NELL1: variants seen among roughly 807,000 people sequenced by gnomAD.
The protein encoded by NELL1 is protein kinase C-binding protein NELL1.
Under a neutral mutation model 107.4 loss-of-function variants are expected in NELL1, and 76 were observed. That is an observed-to-expected ratio of 0.71 (90% CI 0.59 to 0.86). The LOEUF (loss-of-function observed/expected upper bound fraction) is 0.86, where lower values mean the gene tolerates loss of function less well. Among genes scored for constraint, NELL1 ranks in the 40% least tolerant of loss-of-function variants. NELL1 has a pLI of 0.00. For synonymous variants in NELL1, 353 were observed against 341.2 expected, an observed-to-expected ratio of 1.03 and a Z score of -0.38; for missense variants, 1,024 against 1,005.5, an observed-to-expected ratio of 1.02 and a Z score of -0.25.
intron 13 of NELL1, among the ~76,000 whole-genome samples, chr11:21,136,073 G>T (rs191114909): frequency 1.4e-3 from 219 of 152,314 alleles, no homozygotes; most frequent in Non-Finnish European, 2.5e-3. Flanking sequence ...GAAATTATTG[G>T]TGTGATCCAG....
intron 13 of NELL1, among the ~76,000 whole-genome samples, chr11:21,163,509 C>T (rs899814272): frequency 6.6e-6 from 1 of 152,040 alleles, no homozygotes; most frequent in Non-Finnish European, 1.5e-5. Flanking sequence ...AGTTTGAATC[C>T]CTAATCCCCA....
chr11:21,570,986 A>C, intron 18 of NELL1, 46 bp downstream of exon 18: 21 of 1,565,658 alleles, frequency 1.3e-5, no homozygotes, highest in Non-Finnish European at 1.8e-5. Flanking sequence ...ACTCTGAAAG[A>C]GGTTACAAAT....
chr11:21,534,569 G>C, intron 16 of NELL1, 55 bp downstream of exon 16: 1 of 1,586,512 alleles, frequency 6.3e-7, no homozygotes, highest in East Asian at 2.2e-5. Flanking sequence ...AGGAGGTGTG[G>C]CTTGCTTTGG....
At chr11:20,755,506 GC>G (rs1856240467) in intron 2 of NELL1, among the ~76,000 whole-genome samples, 1 of 149,742 alleles carries the variant, frequency 6.7e-6, no homozygotes, top group Non-Finnish European at 1.5e-5. Context: ...AAACTTGAGA[GC>G]ATTTCATGTA....
chr11:21,534,317 A>T (rs1422321677), intron 15 of NELL1, 57 bp from the exon 16 acceptor site: 1 of 1,601,720 alleles, frequency 6.2e-7, no homozygotes, highest in Admixed American at 1.7e-5. Context: ...ATTTCCTGAA[A>T]GGTTAGTGTC....
intron 3 of NELL1, among the ~76,000 whole-genome samples, chr11:20,807,326 GT>G (rs778972540): frequency 6.0e-4 from 91 of 152,342 alleles, no homozygotes; most frequent in Non-Finnish European, 9.8e-4. Flanking sequence ...CACCTTGGTG[GT>G]TTTGGATGAG....
chr11:21,257,119 A>G (rs1467443496), intron 14 of NELL1, among the ~76,000 whole-genome samples: 1 of 151,978 alleles, frequency 6.6e-6, no homozygotes, highest in Non-Finnish European at 1.5e-5. Flanking sequence ...GTGTGTGTCA[A>G]AATGGTAAGA....
At chr11:21,156,991 A>G (rs1485308628) in intron 13 of NELL1, among the ~76,000 whole-genome samples, 1 of 151,672 alleles carries the variant, frequency 6.6e-6, no homozygotes. Flanking sequence ...AATCTCAGCT[A>G]CTTGGGAGGC....
chr11:21,316,097 AC>A (rs1299757134), intron 14 of NELL1, among the ~76,000 whole-genome samples: 2 of 152,098 alleles, frequency 1.3e-5, no homozygotes, highest in African/African-American at 4.8e-5. Context: ...AAATATGTTG[AC>A]TTATAGTAAT....
At chr11:20,822,655 C>A (rs1857783606) in intron 3 of NELL1, among the ~76,000 whole-genome samples, 1 of 152,152 alleles carries the variant, frequency 6.6e-6, no homozygotes, top group Admixed American at 6.5e-5. Flanking sequence ...GTAGTTCTTA[C>A]AGTCCTTCAT....
At chr11:21,025,495 A>G (rs1641896376) in intron 12 of NELL1, among the ~76,000 whole-genome samples, 1 of 151,622 alleles carries the variant, frequency 6.6e-6, no homozygotes, top group Non-Finnish European at 1.5e-5. Flanking sequence ...CTACCTGCAT[A>G]ATTAGGTGAA....
intron 5 of NELL1, among the ~76,000 whole-genome samples, chr11:20,894,204 T>C (rs1849677630): frequency 6.6e-6 from 1 of 152,244 alleles, no homozygotes; most frequent in Non-Finnish European, 1.5e-5. Flanking sequence ...GAATACTTTA[T>C]GACCTCGATG....
At chr11:20,813,763 T>TTGG (rs1476375938) in intron 3 of NELL1, among the ~76,000 whole-genome samples, 1 of 152,148 alleles carries the variant, frequency 6.6e-6, no homozygotes, top group Non-Finnish European at 1.5e-5. Context: ...ACTGGAGCTG[T>TTGG]TGGTCTGTGT....
At position 20,927,433 on chromosome 11, in the gene NELL1, C is replaced by A; in HGVS notation, c.885C>A (p.Cys295Ter). 2 of 1,608,562 alleles carry A rather than the reference C, an allele frequency of 1.2e-6. No homozygotes were observed. The highest frequency in any genetic ancestry group is 1.7e-6 in the Non-Finnish European group (2 of 1,178,960). The change falls in exon 8 of 20, where the codon TGC becomes TGA. Residue 295 changes from cysteine (C) to a stop codon, truncating the protein, a stop_gained. Transcript: ENST00000357134. LOFTEE classifies it high-confidence loss of function. ...TAGATGGTGACCATTGCAGGAACTG[C>A]ACTTGCAAAGTAAGCCTCTTTGTAA... ...SWVDGDHCRN[C>*]TCKSGAVECR... is the part of the protein sequence containing the mutation.
intron 2 of NELL1, among the ~76,000 whole-genome samples, chr11:20,766,681 T>G (rs962433982): frequency 2.6e-5 from 4 of 152,154 alleles, no homozygotes; most frequent in African/African-American, 9.7e-5. Flanking sequence ...AGAAAAATCA[T>G]TTCTTATTTT....
intron 2 of NELL1, among the ~76,000 whole-genome samples, chr11:20,747,767 A>G (rs1444417352): frequency 2.0e-5 from 3 of 152,184 alleles, no homozygotes; most frequent in Admixed American, 6.5e-5. Context: ...ATGGGGATAC[A>G]AGTGATCTGA....
intron 12 of NELL1, among the ~76,000 whole-genome samples, chr11:21,050,195 G>A (rs1207579915): frequency 6.6e-6 from 1 of 152,054 alleles, no homozygotes; most frequent in South Asian, 2.1e-4. Flanking sequence ...GAGATAATAT[G>A]TATGGTTTTA....
chr11:21,354,545 T>A (rs1445894206), intron 14 of NELL1, among the ~76,000 whole-genome samples: 2 of 152,146 alleles, frequency 1.3e-5, no homozygotes, highest in South Asian at 4.2e-4. Context: ...GCTATCTAAC[T>A]TTTCTCCTTT....
intron 2 of NELL1, among the ~76,000 whole-genome samples, chr11:20,738,499 A>G (rs566129372): frequency 8.5e-5 from 13 of 152,300 alleles, no homozygotes; most frequent in Non-Finnish European, 1.9e-4. Flanking sequence ...GCTACTGTGG[A>G]TCAAAATCTG....
Sources: gnomAD v4.1 joint callset for allele counts (sites outside exome capture counted in the v4.1 genomes callset) on GRCh38, gnomAD v4.1.1 for gene constraint, MANE v1.5 for transcripts, NCBI Gene and HGNC (gene_info 2026-07-23, HGNC 2026-07-21) for gene names.